Variants in ARFGAP3 observed in about 807,000 individuals in gnomAD.
The protein encoded by ARFGAP3 is ADP-ribosylation factor GTPase-activating protein 3.
Under a neutral mutation model 75.0 loss-of-function variants are expected in ARFGAP3, and 72 were observed. The observed-to-expected ratio is 0.96, with a 90% CI of 0.79 to 1.17. The LOEUF (loss-of-function observed/expected upper bound fraction) is 1.17. Ranked by LOEUF, ARFGAP3 falls within the 50% of genes most tolerant of loss-of-function variation. ARFGAP3 has a pLI of 0.00. For synonymous variants in ARFGAP3, 221 were observed against 217.9 expected, an observed-to-expected ratio of 1.01 and a Z score of -0.13; for missense variants, 620 against 626.6, an observed-to-expected ratio of 0.99 and a Z score of 0.11.
intron 9 of ARFGAP3, among the ~76,000 whole-genome samples, chr22:42,819,471 A>C (rs1243890212): frequency 2.0e-5 from 3 of 152,198 alleles, no homozygotes; most frequent in Non-Finnish European, 4.4e-5. Context: ...TTACGAGAAC[A>C]TCTCTCTGGA....
At chr22:42,802,871 A>T (rs988658692) in intron 14 of ARFGAP3, among the ~76,000 whole-genome samples, 12 of 152,114 alleles carry the variant, frequency 7.9e-5, no homozygotes, top group African/African-American at 2.7e-4. Flanking sequence ...AAGTGCTGGG[A>T]TTACAGGCGT....
At chr22:42,801,086 G>A (rs1191023856) in intron 14 of ARFGAP3, among the ~76,000 whole-genome samples, 2 of 152,230 alleles carry the variant, frequency 1.3e-5, no homozygotes, top group African/African-American at 4.8e-5. Flanking sequence ...CAGGTAGACA[G>A]CTGGGAGGTG....
intron 5 of ARFGAP3, among the ~76,000 whole-genome samples, chr22:42,832,272 A>C (rs1443517109): frequency 2.6e-5 from 4 of 152,060 alleles, no homozygotes; most frequent in Non-Finnish European, 2.9e-5. Flanking sequence ...TCACATCTGT[A>C]ATCCCAGCAT....
At chr22:42,848,649 C>T (rs1201040631) in intron 1 of ARFGAP3, among the ~76,000 whole-genome samples, 1 of 152,150 alleles carries the variant, frequency 6.6e-6, no homozygotes, top group African/African-American at 2.4e-5. Flanking sequence ...AGGGAAGCAG[C>T]CCTGCCTAGA....
chr22:42,841,242 C>A (rs1233626343), intron 2 of ARFGAP3: 2 of 267,632 alleles, frequency 7.5e-6, no homozygotes, highest in Admixed American at 1.3e-4. Flanking sequence ...GGCACAGGGA[C>A]ATGACAAGTG....
At chr22:42,818,294 C>T (rs909445029) in intron 9 of ARFGAP3, among the ~76,000 whole-genome samples, 1 of 152,070 alleles carries the variant, frequency 6.6e-6, no homozygotes, top group African/African-American at 2.4e-5. Flanking sequence ...TTTGACTTTA[C>T]AAATAGATCA....
At chr22:42,802,702 C>A (rs1367096522) in intron 14 of ARFGAP3, among the ~76,000 whole-genome samples, 1 of 149,276 alleles carries the variant, frequency 6.7e-6, no homozygotes, top group East Asian at 2.0e-4. Context: ...CCCAGGTTCA[C>A]GCCATTCTCC....
At chr22:42,851,411 G>A (rs1243639598) in intron 1 of ARFGAP3, among the ~76,000 whole-genome samples, 1 of 152,226 alleles carries the variant, frequency 6.6e-6, no homozygotes, top group South Asian at 2.1e-4. Flanking sequence ...GGCATCCTCC[G>A]GACCCATCAC....
intron 14 of ARFGAP3, among the ~76,000 whole-genome samples, chr22:42,800,330 G>A (rs1924799689): frequency 6.6e-6 from 1 of 152,148 alleles, no homozygotes; most frequent in African/African-American, 2.4e-5. Context: ...AGGAGTTCAA[G>A]ACCAGCCTGG....
intron 14 of ARFGAP3, 34 bp from the exon 15 acceptor site, chr22:42,799,194 GC>G (rs1924745066): frequency 1.2e-6 from 2 of 1,608,498 alleles, no homozygotes; most frequent in Non-Finnish European, 1.7e-6. Context: ...TCTCATCACT[GC>G]CCTGGCCACA....
chr22:42,845,058 T>C (rs188371413), intron 2 of ARFGAP3, among the ~76,000 whole-genome samples: 18 of 152,250 alleles, frequency 1.2e-4, no homozygotes, highest in Non-Finnish European at 2.4e-4. Flanking sequence ...AAGTATTCTT[T>C]AGCGATGAGG....
At chr22:42,837,145 T>C (rs886662169) in intron 3 of ARFGAP3, among the ~76,000 whole-genome samples, 2 of 152,254 alleles carry the variant, frequency 1.3e-5, no homozygotes. Context: ...GTGAACATCA[T>C]GATAATGGGC....
chr22:42,807,227 A>G lies in ARFGAP3; in HGVS notation c.1321-64T>C, dbSNP rs941675612. 10 of 1,533,436 alleles carry G rather than the reference A, an allele frequency of 6.5e-6. No individual in the cohort carries two copies. In the African/African-American group the frequency reaches 1.4e-4, roughly 21 times the overall value. 95.0% of individuals were successfully genotyped at this position (1,533,436 alleles called of 1,614,324 possible). On this transcript the variant is annotated intron_variant, in intron 13 of 15. Transcript: ENST00000263245. ...GATTGTGGGCAGTTTTGCAAAAAGA[A>G]TCACTGAAGAGCTGTCATTTGAAAG...
chr22:42,818,599 A>T (rs1925680083), intron 9 of ARFGAP3, among the ~76,000 whole-genome samples: 1 of 152,140 alleles, frequency 6.6e-6, no homozygotes, highest in African/African-American at 2.4e-5. Flanking sequence ...AACTATGCCT[A>T]TATAGCAAGA....
chr22:42,799,384 AC>A, intron 14 of ARFGAP3: 1 of 279,804 alleles, frequency 3.6e-6, no homozygotes, highest in Non-Finnish European at 5.4e-6. Context: ...GGGACTTAAC[AC>A]CACTATGAGT....
intron 9 of ARFGAP3, among the ~76,000 whole-genome samples, chr22:42,818,445 A>G (rs1286443782): frequency 2.0e-5 from 3 of 152,192 alleles, no homozygotes; most frequent in African/African-American, 7.2e-5. Flanking sequence ...CTTTAGCACT[A>G]CTAGTCAGTC....
chr22:42,850,679 CAGGGCAATACA>C (rs759454412), intron 1 of ARFGAP3, among the ~76,000 whole-genome samples: 26 of 149,560 alleles, frequency 1.7e-4, no homozygotes, highest in African/African-American at 3.4e-4. Flanking sequence ...CTGGTCTTTT[CAGGGCAATACA>C]AGGGCAATAC....
At chr22:42,805,443 C>T (rs1439028491) in intron 14 of ARFGAP3, among the ~76,000 whole-genome samples, 1 of 152,146 alleles carries the variant, frequency 6.6e-6, no homozygotes, top group Non-Finnish European at 1.5e-5. Context: ...TGTGCCAGGG[C>T]CCCTACAAGG....
chr22:42,840,354 C>T (rs1270994778), intron 3 of ARFGAP3, among the ~76,000 whole-genome samples: 4 of 152,176 alleles, frequency 2.6e-5, no homozygotes, highest in Admixed American at 2.0e-4. Flanking sequence ...CTCCAAAACC[C>T]ATCAGGCTCT....
Sources: allele counts gnomAD v4.1 joint callset (sites outside exome capture counted in the v4.1 genomes callset), GRCh38; gene constraint gnomAD v4.1.1; transcripts MANE v1.5; gene names NCBI Gene and HGNC (gene_info 2026-07-23, HGNC 2026-07-21).